FMN2: variants seen among roughly 807,000 people sequenced by gnomAD.
FMN2 encodes the protein formin 2.
A neutral mutation model predicts 142.3 loss-of-function variants in FMN2; 51 were observed. The ratio of observed to expected loss-of-function variants is 0.36; its 90% CI spans 0.29 to 0.45. The LOEUF (loss-of-function observed/expected upper bound fraction) is 0.45. Among genes scored for constraint, FMN2 ranks in the 20% least tolerant of loss-of-function variants. The probability of loss-of-function intolerance (pLI) is 1.00; values close to 1 mark genes in which losing one functional copy is unlikely to be tolerated. For missense variants in FMN2, 1,936 were observed against 2,122.8 expected, an observed-to-expected ratio of 0.91 and a Z score of 1.73; for synonymous variants, 882 against 869.8, an observed-to-expected ratio of 1.01 and a Z score of -0.25.
At chr1:240,110,715 T>C (rs1328522474) in intron 1 of FMN2, among the ~76,000 whole-genome samples, 1 of 151,954 alleles carries the variant, frequency 6.6e-6, no homozygotes, top group African/African-American at 2.4e-5. Flanking sequence ...CAGCAATAAT[T>C]GGAGAACATT....
intron 6 of FMN2, among the ~76,000 whole-genome samples, chr1:240,211,615 T>A (rs139715405): frequency 1.2e-4 from 18 of 152,142 alleles, no homozygotes; most frequent in African/African-American, 4.3e-4. Context: ...AGAAATCCAA[T>A]CCTTAGTAAC....
chr1:240,390,429 A>C (rs966402131), intron 14 of FMN2, among the ~76,000 whole-genome samples: 3 of 152,232 alleles, frequency 2.0e-5, no homozygotes, highest in Non-Finnish European at 4.4e-5. Context: ...GCAACTAAGC[A>C]ACAGCTGTTT....
At position 240,285,020 on chromosome 1, in the gene FMN2, G is replaced by A. The variant is rs75931544; in HGVS notation, c.4154-9802G>A. On this transcript the variant is annotated intron_variant, in intron 7 of 17. Coordinates refer to ENST00000319653, the MANE Select transcript of FMN2 (RefSeq NM_020066.5). Reference sequence around the variant, plus strand: ...TAAATTTCTTGGCTTTTTCCTCTTCGTTTCCTTTTTGATCTACTTTTGGGA... The same window carrying A: ...TAAATTTCTTGGCTTTTTCCTCTTCATTTCCTTTTTGATCTACTTTTGGGA... 2.4e-3 allele frequency among the ~76,000 whole-genome samples: 359 copies of A among 151,852 alleles called. 1 individual carries two copies. The highest frequency in any genetic ancestry group is 8.2e-3 in the African/African-American group (341 of 41,394).
chr1:240,368,955 T>TTATATATATATATATATATATA lies in FMN2; in HGVS notation c.4858+13065_4858+13066insTATATATATATATATATATATA, dbSNP rs10671772. 2.6e-3 allele frequency among the ~76,000 whole-genome samples: 382 copies of TTATATATATATATATATATATA among 147,988 alleles called. 3 individuals are homozygous for TTATATATATATATATATATATA. The highest frequency in any genetic ancestry group is 0.01 in the Middle Eastern group (3 of 286). On this transcript the variant is annotated intron_variant, in intron 14 of 17. Coordinates refer to ENST00000319653, the MANE Select transcript of FMN2 (RefSeq NM_020066.5). ...ATATTTAAAGTGTACAACACAATGT[T>TTATATATATATATATATATATA]TATATATATATATATATAAACACAG... is the stretch of plus-strand genomic sequence containing the variant.
rs1372811910 is a variant in FMN2, at chr1:240,093,534, T to C, written c.1425T>C (p.Leu475=). 1.3e-6 allele frequency: 2 copies of C among 1,573,522 alleles called. No individual in the cohort carries two copies. Among genetic ancestry groups the C allele is most frequent in the Non-Finnish European group, 8.6e-7 (1 of 1,163,190 alleles). The part of the protein sequence containing the change: ...PAKKHRADGG[L]AAGLSRSADW... Reference sequence around the variant, plus strand: ...AGAAGCACCGGGCCGACGGCGGCCTTGCGGCCGGCCTGAGCCGCTCGGCTG... The same window carrying C: ...AGAAGCACCGGGCCGACGGCGGCCTCGCGGCCGGCCTGAGCCGCTCGGCTG... The change falls in exon 1 of 18, where the codon CTT becomes CTC. Residue 475 remains leucine, a synonymous_variant. Coordinates refer to ENST00000319653, the MANE Select transcript of FMN2 (RefSeq NM_020066.5).
intron 6 of FMN2, among the ~76,000 whole-genome samples, chr1:240,218,340 TATTA>T (rs1477081219): frequency 1.5e-5 from 2 of 135,744 alleles, no homozygotes; most frequent in African/African-American, 5.5e-5. Context: ...AAGAAAGGGG[TATTA>T]ATTTTTAATG....
At chr1:240,404,765 C>G (rs1674093924) in intron 15 of FMN2, among the ~76,000 whole-genome samples, 1 of 152,194 alleles carries the variant, frequency 6.6e-6, no homozygotes. Flanking sequence ...TAGGGGAGCC[C>G]ATGACACCCT....
At chr1:240,362,333 A>T (rs531644582) in intron 14 of FMN2, among the ~76,000 whole-genome samples, 1 of 152,302 alleles carries the variant, frequency 6.6e-6, no homozygotes, top group East Asian at 1.9e-4. Flanking sequence ...TGTGCATGTG[A>T]GATGAAGACA....
At chr1:240,122,258 T>C (rs1457450626) in intron 1 of FMN2, among the ~76,000 whole-genome samples, 1 of 151,062 alleles carries the variant, frequency 6.6e-6, no homozygotes, top group Non-Finnish European at 1.5e-5. Flanking sequence ...TGGTTATTTA[T>C]TTATTTATTT....
chr1:240,286,271 T>A (rs1200638717), intron 7 of FMN2, among the ~76,000 whole-genome samples: 14 of 152,140 alleles, frequency 9.2e-5, no homozygotes, highest in African/African-American at 3.4e-4. Flanking sequence ...TCCCTGTGTA[T>A]TCAGCATAGC....
chr1:240,436,412 A>T (rs1318827534), intron 15 of FMN2, among the ~76,000 whole-genome samples: 8 of 152,232 alleles, frequency 5.3e-5, no homozygotes, highest in African/African-American at 1.9e-4. Context: ...CAGATTAGTC[A>T]TACATTGGTA....
At chr1:240,446,177 G>A (rs1268151148) in intron 16 of FMN2, among the ~76,000 whole-genome samples, 2 of 152,172 alleles carry the variant, frequency 1.3e-5, no homozygotes, top group African/African-American at 2.4e-5. Flanking sequence ...AAGCCCTAAC[G>A]TGAAGATTAG....
chr1:240,366,147 G>A (rs10926232), intron 14 of FMN2, among the ~76,000 whole-genome samples: 3,935 of 152,028 alleles, frequency 0.026, 167 homozygotes, highest in African/African-American at 0.09. Context: ...ACCTAAATGA[G>A]GTATAAAGAT....
intron 2 of FMN2, among the ~76,000 whole-genome samples, chr1:240,177,317 G>A (rs544295663): frequency 3.3e-4 from 50 of 150,782 alleles, no homozygotes; most frequent in African/African-American, 1.1e-3. Flanking sequence ...CTGTTGGTCT[G>A]TAGCTGGCGA....
intron 2 of FMN2, among the ~76,000 whole-genome samples, chr1:240,177,052 C>T (rs551237620): frequency 6.6e-6 from 1 of 152,182 alleles, no homozygotes; most frequent in East Asian, 1.9e-4. Context: ...CCATACTGTT[C>T]TTCTCTTTGC....
At chr1:240,267,647 A>G (rs893170000) in intron 7 of FMN2, among the ~76,000 whole-genome samples, 11 of 146,836 alleles carry the variant, frequency 7.5e-5, no homozygotes, top group Non-Finnish European at 1.1e-4. Flanking sequence ...AAAAAAAAAA[A>G]AGAGACCTGC....
chr1:240,392,868 G>T (rs1377786551), intron 15 of FMN2, among the ~76,000 whole-genome samples: 1 of 152,008 alleles, frequency 6.6e-6, no homozygotes, highest in Non-Finnish European at 1.5e-5. Flanking sequence ...CAGAGTTTGG[G>T]TTATCAAAAA....
intron 15 of FMN2, among the ~76,000 whole-genome samples, chr1:240,412,787 A>T (rs1020511863): frequency 2.6e-5 from 4 of 152,092 alleles, no homozygotes; most frequent in African/African-American, 9.7e-5. Flanking sequence ...GAAGATCATT[A>T]TGGATGATAT....
At chr1:240,190,454 G>T (rs1397432373) in intron 4 of FMN2, among the ~76,000 whole-genome samples, 1 of 152,138 alleles carries the variant, frequency 6.6e-6, no homozygotes, top group Non-Finnish European at 1.5e-5. Flanking sequence ...CCGTAAAGGG[G>T]ATAGGGAAAA....
Sources: allele counts gnomAD v4.1 joint callset (sites outside exome capture counted in the v4.1 genomes callset), GRCh38; gene constraint gnomAD v4.1.1; transcripts MANE v1.5; gene names NCBI Gene and HGNC (gene_info 2026-07-23, HGNC 2026-07-21).